The following TAMM41 variants were observed in gnomAD, a reference collection of about 807,000 sequenced individuals.
TAMM41 encodes the protein TAM41 mitochondrial translocator assembly and maintenance homolog.
In TAMM41, 36 loss-of-function variants were observed where a neutral mutation model predicts 44.1. The ratio of observed to expected loss-of-function variants is 0.82; its 90% CI spans 0.63 to 1.08. The LOEUF (loss-of-function observed/expected upper bound fraction) is 1.08, where lower values mean the gene tolerates loss of function less well. Ranked by LOEUF, TAMM41 falls within the 50% of genes least tolerant of loss-of-function variation. The probability of loss-of-function intolerance (pLI) is 0.00; values close to 1 mark genes in which losing one functional copy is unlikely to be tolerated. For synonymous variants in TAMM41, 164 were observed against 153.1 expected, an observed-to-expected ratio of 1.07 and a Z score of -0.53; for missense variants, 417 against 404.3, an observed-to-expected ratio of 1.03 and a Z score of -0.27.
chr3:11,805,102 C>G (rs913375681), intron 7 of TAMM41, among the ~76,000 whole-genome samples: 5 of 146,556 alleles, frequency 3.4e-5, no homozygotes, highest in South Asian at 2.2e-4. Context: ...CTCCCAGGTT[C>G]AAGCAATTCT....
intron 7 of TAMM41, among the ~76,000 whole-genome samples, chr3:11,805,115 T>G (rs1176528425): frequency 2.0e-5 from 3 of 147,894 alleles, no homozygotes; most frequent in African/African-American, 7.4e-5. Context: ...GCAATTCTCC[T>G]GCCTCAGCCG....
chr3:11,798,321 A>G (rs1274347096), intron 7 of TAMM41, among the ~76,000 whole-genome samples: 3 of 152,224 alleles, frequency 2.0e-5, no homozygotes, highest in African/African-American at 7.2e-5. Flanking sequence ...TGCAGCCATA[A>G]TAAAAAAGAG....
At chr3:11,846,419 G>C in intron 1 of TAMM41, 83 bp downstream of exon 1, 2 of 1,511,068 alleles carry the variant, frequency 1.3e-6, no homozygotes. Context: ...CGGACAGGCA[G>C]CTCTCCGACT....
Position 11,796,671 on chromosome 3 carries a change from G to C in TAMM41, c.938-6090C>G, listed in dbSNP as rs192344194. ...CTGGCTGAAAAACTGAACAGAGGCA[G>C]AACTTGAGAAATTTTGGGGAGAAGG... On this transcript the variant is annotated intron_variant, in intron 7 of 7. Transcript: ENST00000455809. 8.3e-4 allele frequency among the ~76,000 whole-genome samples: 127 copies of C among 152,242 alleles called. 1 individual carries two copies. Among genetic ancestry groups the C allele is most frequent in the South Asian group, 6.8e-3 (33 of 4,826 alleles).
downstream of TAMM41, chr3:11,790,406 T>C: frequency 1.7e-6 from 2 of 1,144,002 alleles, no homozygotes; most frequent in East Asian, 4.7e-5. Flanking sequence ...CAGGGTATCT[T>C]TGAATTCAAG....
At chr3:11,788,285 G>C (rs1026480015), downstream of TAMM41, among the ~76,000 whole-genome samples, 1 of 152,182 alleles carries the variant, frequency 6.6e-6, no homozygotes, top group Non-Finnish European at 1.5e-5. Context: ...GTCTTGAATA[G>C]GCTGAGGAAA....
chr3:11,797,563 C>A (rs1223461846), intron 7 of TAMM41, among the ~76,000 whole-genome samples: 1 of 151,944 alleles, frequency 6.6e-6, no homozygotes, highest in Non-Finnish European at 1.5e-5. Context: ...CAATACCATT[C>A]TGGACATAAG....
the TAMM41 span, among the ~76,000 whole-genome samples, chr3:11,775,491 G>A: frequency 6.6e-6 from 1 of 152,178 alleles, no homozygotes; most frequent in Non-Finnish European, 1.5e-5. Flanking sequence ...ACACTTGTGT[G>A]CAAATGGTTA....
intron 4 of TAMM41, among the ~76,000 whole-genome samples, chr3:11,822,123 C>A (rs2078549333): frequency 6.6e-6 from 1 of 152,022 alleles, no homozygotes; most frequent in Admixed American, 6.6e-5. Context: ...ATACTTCTGG[C>A]CCCAAGTATT....
At chr3:11,833,184 A>G in intron 3 of TAMM41, 4 of 1,277,076 alleles carry the variant, frequency 3.1e-6, no homozygotes, top group Non-Finnish European at 4.1e-6. Flanking sequence ...AGATTTGTGA[A>G]TAGCTGTTTG....
At chr3:11,834,768 C>T (rs1320377269) in intron 3 of TAMM41, among the ~76,000 whole-genome samples, 2 of 152,148 alleles carry the variant, frequency 1.3e-5, no homozygotes, top group Non-Finnish European at 2.9e-5. Context: ...CTCACTGCAA[C>T]CTCCACCTCC....
At chr3:11,804,110 G>A (rs2077832848) in intron 7 of TAMM41, among the ~76,000 whole-genome samples, 1 of 152,158 alleles carries the variant, frequency 6.6e-6, no homozygotes, top group Admixed American at 6.5e-5. Flanking sequence ...CAAGCAGTAA[G>A]CACTCAGGGG....
At chr3:11,779,878 T>G in the TAMM41 span, among the ~76,000 whole-genome samples, 1 of 152,306 alleles carries the variant, frequency 6.6e-6, no homozygotes, top group Non-Finnish European at 1.5e-5. Context: ...GATCCCCAGC[T>G]GAGGAAACAG....
At chr3:11,831,959 A>G (rs2078999453) in intron 3 of TAMM41, among the ~76,000 whole-genome samples, 1 of 152,220 alleles carries the variant, frequency 6.6e-6, no homozygotes, top group South Asian at 2.1e-4. Context: ...TACTGCAATC[A>G]TCTGCAGAGA....
the TAMM41 span, among the ~76,000 whole-genome samples, chr3:11,736,116 G>A: frequency 1.3e-5 from 2 of 152,202 alleles, no homozygotes; most frequent in Admixed American, 1.3e-4. Flanking sequence ...GGAACTTCCT[G>A]TGTAGTTTCC....
chr3:11,782,032 G>C, the TAMM41 span, among the ~76,000 whole-genome samples: 1 of 148,314 alleles, frequency 6.7e-6, no homozygotes, highest in African/African-American at 2.4e-5. Flanking sequence ...ATGACACCAG[G>C]TGTCTTTAGC....
At chr3:11,745,286 G>A in the TAMM41 span, among the ~76,000 whole-genome samples, 3 of 152,136 alleles carry the variant, frequency 2.0e-5, no homozygotes, top group Non-Finnish European at 4.4e-5. Flanking sequence ...AGCCGTGATC[G>A]TGCCACTGCA....
At position 11,817,250 on chromosome 3, in the gene TAMM41, C is replaced by A. The variant is rs1416401860; in HGVS notation, c.650G>T (p.Gly217Val). 5.6e-6 allele frequency: 9 copies of A among 1,613,584 alleles called. No individual in the cohort carries two copies. The highest frequency in any genetic ancestry group is 7.6e-6 in the Non-Finnish European group (9 of 1,179,570). ...PNIAHFRELY[G>V]SILQENPQVV... Reference sequence around the variant, plus strand: ...TTGAGGATTTTCCTGTAGTATGCTGCCATAGAGCTCTCGAAAGTGGGCTAT... The same window carrying A: ...TTGAGGATTTTCCTGTAGTATGCTGACATAGAGCTCTCGAAAGTGGGCTAT... The change falls in exon 5 of 8, where the codon GGC (glycine) becomes GTC (valine). Residue 217 changes from glycine to valine, a missense_variant. Transcript: ENST00000455809.
the TAMM41 span, among the ~76,000 whole-genome samples, chr3:11,737,905 C>T: frequency 3.9e-5 from 6 of 152,190 alleles, no homozygotes; most frequent in African/African-American, 1.2e-4. Flanking sequence ...CGTTTGACAA[C>T]GTAACTCTTC....
Sources: allele counts gnomAD v4.1 joint callset (sites outside exome capture counted in the v4.1 genomes callset), GRCh38; gene constraint gnomAD v4.1.1; transcripts MANE v1.5; gene names NCBI Gene and HGNC (gene_info 2026-07-23, HGNC 2026-07-21).